The following ABCA7 variants were observed in gnomAD, a reference collection of about 807,000 sequenced individuals.
The protein encoded by ABCA7 is phospholipid-transporting ATPase ABCA7.
ABCA7 carries 261 observed loss-of-function variants against 227.6 expected under a neutral mutation model. The observed-to-expected ratio is 1.15, with a 90% CI of 1.04 to 1.27. The LOEUF (loss-of-function observed/expected upper bound fraction) is 1.27, where lower values mean the gene tolerates loss of function less well. Among genes scored for constraint, ABCA7 ranks in the 50% most tolerant of loss-of-function variants. The pLI is 0.00. For synonymous variants in ABCA7, 1,488 were observed against 1,279.7 expected (o/e 1.16, Z -3.47); for missense variants, 3,331 against 2,924.5 (o/e 1.14, Z -3.21).
At position 1,061,907 on chromosome 19, in the gene ABCA7, G is replaced by T. The variant is rs760573184; in HGVS notation, c.5570+19G>T. On this transcript the variant is annotated intron_variant, in intron 41 of 46. Coordinates refer to ENST00000263094, the MANE Select transcript of ABCA7 (RefSeq NM_019112.4). ...GCCACAGGTGAGGGGTGCCAGGTAG[G>T]GTCAGGGTGGGGCAGGGTTGGCCCT... The T allele has an allele frequency of 7.0e-6, 11 of 1,564,898 alleles. No individual in the cohort carries two copies. The highest frequency in any genetic ancestry group is 1.9e-5 in the Admixed American group (1 of 51,770).
Position 1,056,741 on chromosome 19 carries a change from A to G in ABCA7, c.4587-166A>G, listed in dbSNP as rs756694952. Reference sequence around the variant, plus strand: ...CTTTATCCTGCCTGAGACCTGTACAACCTCTGCTGCCAAATCCCAGGCACC... The same window carrying G: ...CTTTATCCTGCCTGAGACCTGTACAGCCTCTGCTGCCAAATCCCAGGCACC... On this transcript the variant is annotated intron_variant, in intron 33 of 46. Coordinates refer to ENST00000263094, the MANE Select transcript of ABCA7 (RefSeq NM_019112.4). The surrounding 1 kb of genome is among the most constrained non-coding windows in gnomAD (Gnocchi z 4.3). 8.6e-5 allele frequency among the ~76,000 whole-genome samples: 13 copies of G among 151,560 alleles called. No homozygotes were observed. Among genetic ancestry groups the G allele is most frequent in the Non-Finnish European group, 1.9e-4 (13 of 67,844 alleles).
chr19:1,049,334 C>T lies in ABCA7; in HGVS notation c.2449C>T (p.Pro817Ser). ...VSVRSLEKRF[P>S]GSPQPALRGL... ...CGTTCGCAGCCTGGAGAAGCGCTTT[C>T]CTGGAAGCCCGCAGCCAGCCCTGCG... Residue 817 changes from proline (P) to serine (S), a missense_variant, in exon 18 of 47, where the codon CCT becomes TCT. Pro to Ser is a moderately conservative substitution (Grantham distance 74). Transcript: ENST00000263094. 4 of 1,611,654 alleles carry T rather than the reference C, an allele frequency of 2.5e-6. No individual in the cohort carries two copies. Among genetic ancestry groups the T allele is most frequent in the Non-Finnish European group, 2.5e-6 (3 of 1,179,256 alleles).
chr19:1,045,163 C>A lies in ABCA7; in HGVS notation c.1377C>A (p.Pro459=), dbSNP rs749089061. The A allele has an allele frequency of 4.0e-5, 65 of 1,611,010 alleles. No individual in the cohort carries two copies. Among genetic ancestry groups the A allele is most frequent in the Non-Finnish European group, 4.8e-5 (57 of 1,178,610 alleles). Reference sequence around the variant, plus strand: ...AGCACCCAACCCCAGACCTGGGCCCCGGCCACGTGCGCATCAAAATCCGCA... The same window carrying A: ...AGCACCCAACCCCAGACCTGGGCCCAGGCCACGTGCGCATCAAAATCCGCA... ...PTEHPTPDLG[P]GHVRIKIRMD... Residue 459 remains proline, a synonymous_variant, in exon 12 of 47, where the codon CCC becomes CCA. Transcript: ENST00000263094.
chr19:1,043,262 G>A lies in ABCA7; in HGVS notation c.790+11G>A. 1.2e-6 allele frequency: 2 copies of A among 1,608,604 alleles called. No homozygotes were observed. Among genetic ancestry groups the A allele is most frequent in the South Asian group, 1.1e-5 (1 of 91,004 alleles). ...CAGACAGCAGCCTGAGTGAGTGACTGACCTCGGTTTCCCCTCTTGGGAAGT... is the reference window on the plus strand; with the variant it reads ...CAGACAGCAGCCTGAGTGAGTGACTAACCTCGGTTTCCCCTCTTGGGAAGT... On this transcript the variant is annotated intron_variant, in intron 8 of 46. Coordinates refer to ENST00000263094, the MANE Select transcript of ABCA7 (RefSeq NM_019112.4).
chr19:1,042,399 T>A lies in ABCA7; in HGVS notation c.498+2T>A. Reference sequence around the variant, plus strand: ...CTGCTGACGTCACTGCTGCGCACGGTAGGGTGTCGGGGCGGGACCGCGCTG... The same window carrying A: ...CTGCTGACGTCACTGCTGCGCACGGAAGGGTGTCGGGGCGGGACCGCGCTG... On this transcript the variant is annotated splice_donor_variant, in intron 6 of 46. Transcript: ENST00000263094. LOFTEE classifies it high-confidence loss of function. 6.2e-7 allele frequency: 1 copy of A among 1,610,352 alleles called. No individual in the cohort carries two copies. The highest frequency in any genetic ancestry group is 1.1e-5 in the South Asian group (1 of 90,924).
chr19:1,051,221 C>A lies in ABCA7; in HGVS notation c.2751C>A (p.Gly917=). ...RLKGLSAAVV[G]PEQDRLLQDV... is the part of the protein sequence containing the mutation. ...AGGGTCTGAGTGCCGCTGTAGTGGG[C>A]CCCGAGCAGGACCGTCTGCTGCAGG... The change falls in exon 20 of 47, where the codon GGC becomes GGA. Residue 917 remains glycine (G), a synonymous_variant. Transcript: ENST00000263094. 6.2e-7 allele frequency: 1 copy of A among 1,610,798 alleles called. No homozygotes were observed. Among genetic ancestry groups the A allele is most frequent in the Non-Finnish European group, 8.5e-7 (1 of 1,179,780 alleles).
At chr19:1,050,693 T>C (rs1599636303) in intron 18 of ABCA7, among the ~76,000 whole-genome samples, 1 of 144,538 alleles carries the variant, frequency 6.9e-6, no homozygotes, top group Admixed American at 6.9e-5. Context: ...GGCAGGAGAA[T>C]GGCGTGAACC....
chr19:1,052,204 C>G lies in ABCA7; in HGVS notation c.3148-10C>G, dbSNP rs377547520. 6.3e-7 allele frequency: 1 copy of G among 1,594,044 alleles called. No homozygotes were observed. ...GAAGGCCAAGCCACTTGGTGCCTCT[C>G]TGCCCGCAGGCTGACACTGACATGG... On this transcript the variant is annotated splice_polypyrimidine_tract_variant and intron_variant, in intron 22 of 46. Coordinates refer to ENST00000263094, the MANE Select transcript of ABCA7 (RefSeq NM_019112.4).
chr19:1,053,850 T>C lies in ABCA7; in HGVS notation c.3472+14T>C. The C allele has an allele frequency of 6.2e-7, 1 of 1,608,056 alleles. No homozygotes were observed. Among genetic ancestry groups the C allele is most frequent in the Non-Finnish European group, 8.5e-7 (1 of 1,176,040 alleles). On this transcript the variant is annotated intron_variant, in intron 25 of 46. Transcript: ENST00000263094. ...CAGATATGGAGGGTGCGGCCACAGC[T>C]CCCTGACCCCTGACCCCAGTCCAGA...
Position 1,047,189 on chromosome 19 carries a change from C to G in ABCA7, c.1878C>G (p.Gly626=). Residue 626 remains glycine (G), a synonymous_variant, in exon 15 of 47, where the codon GGC becomes GGG. Transcript: ENST00000263094. ...LGDILPYSHP[G]VVFLFLAAFA... Reference sequence around the variant, plus strand: ...ACATCCTCCCCTACAGCCACCCGGGCGTGGTCTTCCTGTTCTTGGCAGCCT... The same window carrying G: ...ACATCCTCCCCTACAGCCACCCGGGGGTGGTCTTCCTGTTCTTGGCAGCCT... 6.2e-7 allele frequency: 1 copy of G among 1,605,440 alleles called. No individual in the cohort carries two copies.
chr19:1,054,314 C>A lies in ABCA7; in HGVS notation c.3699C>A (p.Arg1233=). Reference sequence around the variant, plus strand: ...TTCTCAAGCGCTTTCTGCTTGCCCGCCGCAGCCGCCGCGGCCTGTTCGCCC... The same window carrying A: ...TTCTCAAGCGCTTTCTGCTTGCCCGACGCAGCCGCCGCGGCCTGTTCGCCC... ...ALLLKRFLLA[R]RSRRGLFAQI... Residue 1233 remains arginine, a synonymous_variant, in exon 27 of 47, where the codon CGC becomes CGA. Coordinates refer to ENST00000263094, the MANE Select transcript of ABCA7 (RefSeq NM_019112.4). This position sits in a 1 kb window ranked among gnomAD's most constrained non-coding sequence, Gnocchi z 4.8. 1 of 1,601,798 alleles carries A rather than the reference C, an allele frequency of 6.2e-7. No individual in the cohort carries two copies. Among genetic ancestry groups the A allele is most frequent in the Non-Finnish European group, 8.5e-7 (1 of 1,178,872 alleles).
intron 16 of ABCA7, 24 bp from the exon 17 acceptor site, chr19:1,048,871 A>C (rs1282576977): frequency 6.9e-7 from 1 of 1,451,706 alleles, no homozygotes; most frequent in African/African-American, 1.4e-5. Flanking sequence ...TGGGCTAAGC[A>C]ATAACCCGCG....
chr19:1,043,447 C>G lies in ABCA7; in HGVS notation c.904C>G (p.Pro302Ala). 1 of 1,613,364 alleles carries G rather than the reference C, an allele frequency of 6.2e-7. No individual in the cohort carries two copies. Among genetic ancestry groups the G allele is most frequent in the Non-Finnish European group, 8.5e-7 (1 of 1,180,026 alleles). ...LGKLLFAPDT[P>A]FTRKLMAQVN... is the part of the protein sequence containing the mutation. ...GAAGCTACTCTTTGCACCAGATACA[C>G]CTTTTACCCGGAAGCTCATGGCCCA... Residue 302 changes from proline to alanine, a missense_variant, in exon 9 of 47, where the codon CCT (proline) becomes GCT (alanine). Coordinates refer to ENST00000263094, the MANE Select transcript of ABCA7 (RefSeq NM_019112.4).
rs957976657 is a variant in ABCA7 at position 1,064,241 on chromosome 19, A to G, written c.6032A>G (p.His2011Arg). The change falls in exon 45 of 47, where the codon CAT (histidine) becomes CGT (arginine). Residue 2011 changes from histidine to arginine, a missense_variant. Physicochemically the swap from His to Arg is conservative, Grantham distance 29 (BLOSUM62 0). Transcript: ENST00000263094. The stretch of plus-strand genomic sequence containing the variant: ...TTCCGCTGCCTGGGCAGCCCGCAAC[A>G]TCTCAAGGGCAGGTGAGCCGGCGCG... ...GRFRCLGSPQ[H>R]LKGRFAAGHT... is the part of the protein sequence containing the mutation. The G allele has an allele frequency of 4.5e-6, 7 of 1,564,534 alleles. No homozygotes were observed. Among genetic ancestry groups the G allele is most frequent in the Non-Finnish European group, 5.2e-6 (6 of 1,156,176 alleles).
At chr19:1,064,327 C>T (rs926485089) in intron 45 of ABCA7, 74 bp downstream of exon 45, 17 of 1,425,768 alleles carry the variant, frequency 1.2e-5, no homozygotes, top group Middle Eastern at 3.7e-4. Flanking sequence ...AGAGGCCAGA[C>T]GTAGAGCCGG....
At chr19:1,062,120 G>C in intron 41 of ABCA7, 52 bp from the exon 42 acceptor site, 1 of 1,594,542 alleles carries the variant, frequency 6.3e-7, no homozygotes, top group African/African-American at 1.3e-5. Context: ...TTAGCCACCA[G>C]TATGGTCAGG....
chr19:1,051,824 G>T, intron 21 of ABCA7, 118 bp from the exon 22 acceptor site: 1 of 1,388,326 alleles, frequency 7.2e-7, no homozygotes, highest in South Asian at 1.3e-5. Context: ...CTGGGGATGA[G>T]GTTTTGAGGG....
chr19:1,044,272 G>A (rs1342333622), intron 10 of ABCA7, among the ~76,000 whole-genome samples: 13 of 131,666 alleles, frequency 9.9e-5, no homozygotes, highest in African/African-American at 3.9e-4. Context: ...TTAAGAGATG[G>A]AGTCTCACTC....
rs1326415091 is a variant in ABCA7 at position 1,056,468 on chromosome 19, C to T, written c.4555C>T (p.Leu1519Phe). 1 of 1,613,550 alleles carries T rather than the reference C, an allele frequency of 6.2e-7. No individual in the cohort carries two copies. The highest frequency in any genetic ancestry group is 8.5e-7 in the Non-Finnish European group (1 of 1,179,990). ...CACCACACTCAACCACCCCTTGAAC[C>T]TCACCAAGGAGCAGCTGTCTGAGGG... ...SITTLNHPLN[L>F]TKEQLSEGAL... The change falls in exon 33 of 47, where the codon CTC becomes TTC. Residue 1519 changes from leucine (L) to phenylalanine (F), a missense_variant. Physicochemically the swap from Leu to Phe is conservative, Grantham distance 22. Coordinates refer to ENST00000263094, the MANE Select transcript of ABCA7 (RefSeq NM_019112.4). The surrounding 1 kb of genome is among the most constrained non-coding windows in gnomAD (Gnocchi z 4.3).
Sources: gnomAD v4.1 joint callset for allele counts (sites outside exome capture counted in the v4.1 genomes callset) on GRCh38, gnomAD v4.1.1 for gene constraint, Gnocchi (gnomAD v3.1) non-coding constraint, MANE v1.5 for transcripts, NCBI Gene and HGNC (gene_info 2026-07-23, HGNC 2026-07-21) for gene names.